SCGB3A2: variants seen among roughly 807,000 people sequenced by gnomAD.
SCGB3A2 encodes the protein secretoglobin family 3A member 2.
A neutral mutation model predicts 7.7 loss-of-function variants in SCGB3A2; 5 were observed. The observed-to-expected ratio is 0.65, with a 90% CI of 0.34 to 1.36. The LOEUF (loss-of-function observed/expected upper bound fraction) is 1.36, where lower values mean the gene tolerates loss of function less well. SCGB3A2 is among the 40% of genes most tolerant of loss of function. SCGB3A2 has a pLI of 0.04. For synonymous variants in SCGB3A2, 44 were observed against 42.7 expected, an observed-to-expected ratio of 1.03 and a Z score of -0.12; for missense variants, 109 against 103.6, an observed-to-expected ratio of 1.05 and a Z score of -0.23.
intron 1 of SCGB3A2, chr5:147,881,068 A>G (rs1259858872): frequency 4.9e-6 from 1 of 202,080 alleles, no homozygotes; most frequent in Non-Finnish European, 1.0e-5. Flanking sequence ...AAAAACACAC[A>G]TTCCTTGTTC....
chr5:147,881,602 T>A lies in SCGB3A2; in HGVS notation c.212T>A (p.Val71Glu), dbSNP rs745799049. 1 of 1,613,962 alleles carries A rather than the reference T, an allele frequency of 6.2e-7. No homozygotes were observed. Among genetic ancestry groups the A allele is most frequent in the Non-Finnish European group, 8.5e-7 (1 of 1,179,904 alleles). Residue 71 changes from valine (V) to glutamate (E), a missense_variant, in exon 2 of 3, where the codon GTA (valine) becomes GAA (glutamate). Physicochemically the swap from Val to Glu is moderately radical, Grantham distance 121 (BLOSUM62 -2). Transcript: ENST00000296694. ...EHLVEGLRKC[V>E]NELGPEASEA... ...CTTGTGGAGGGGCTAAGGAAGTGTG[T>A]AAATGAGCTGGGACCAGAGGCTTCT...
At chr5:147,881,084 G>T in intron 1 of SCGB3A2, 1 of 216,968 alleles carries the variant, frequency 4.6e-6, no homozygotes. Flanking sequence ...TGTTCTCATG[G>T]AGCCTCCATT....
At position 147,881,531 on chromosome 5, in the gene SCGB3A2, T is replaced by G; in HGVS notation, c.141T>G (p.Asp47Glu). The G allele has an allele frequency of 6.2e-7, 1 of 1,614,020 alleles. No homozygotes were observed. The highest frequency in any genetic ancestry group is 8.5e-7 in the Non-Finnish European group (1 of 1,179,920). Reference protein sequence around the residue: ...LPLDNILPFMDPLKLLLKTLG... With the variant: ...LPLDNILPFMEPLKLLLKTLG... ...TGGACAACATTCTTCCCTTTATGGA[T>G]CCATTAAAGCTTCTTCTGAAAACTC... Residue 47 changes from aspartate to glutamate, a missense_variant, in exon 2 of 3, where the codon GAT (aspartate) becomes GAG (glutamate). Coordinates refer to ENST00000296694, the MANE Select transcript of SCGB3A2 (RefSeq NM_054023.5).
At chr5:147,881,100 G>C (rs1207284887) in intron 1 of SCGB3A2, 1 of 234,614 alleles carries the variant, frequency 4.3e-6, no homozygotes, top group Non-Finnish European at 8.3e-6. Context: ...CCATTCTAAT[G>C]AGAAAATAAA....
At chr5:147,881,173 C>T (rs60460686) in intron 1 of SCGB3A2, 59,277 of 364,690 alleles carry the variant, frequency 0.16, 5,632 homozygotes, top group Admixed American at 0.3. Context: ...AAATAAATGA[C>T]GGAGAGTGAC....
At position 147,878,728 on chromosome 5, in the gene SCGB3A2, T is replaced by TGGAA. The variant is rs149064485; in HGVS notation, c.-75_-72dup. ...CAGCCATCACACTTTGTATGGCAAG[T>TGGAA]GGAACCACTGGCTTGGTGGATTTTG... is the stretch of plus-strand genomic sequence containing the variant. On this transcript the variant is annotated 5_prime_UTR_variant, in exon 1 of 3. It introduces an in-frame stop codon into an upstream open reading frame of the 5' UTR. Transcript: ENST00000296694. 4.5e-5 allele frequency: 51 copies of TGGAA among 1,126,452 alleles called. No individual in the cohort carries two copies. In the African/African-American group the frequency reaches 7.5e-4, roughly 16 times the overall value. 69.8% of individuals were successfully genotyped at this position (1,126,452 alleles called of 1,614,324 possible).
intron 1 of SCGB3A2, among the ~76,000 whole-genome samples, chr5:147,880,045 T>A (rs1757321257): frequency 6.6e-6 from 1 of 151,508 alleles, no homozygotes. Flanking sequence ...TTTAAAAAAA[T>A]ATATACAGGC....
intron 1 of SCGB3A2, among the ~76,000 whole-genome samples, chr5:147,880,452 T>G (rs1402390371): frequency 6.6e-6 from 1 of 152,154 alleles, no homozygotes; most frequent in Non-Finnish European, 1.5e-5. Flanking sequence ...TCATAGCCTA[T>G]TGGAAATCTG....
chr5:147,881,906 T>G (rs893057938), intron 2 of SCGB3A2, 121 bp from the exon 3 acceptor site: 4 of 1,064,840 alleles, frequency 3.8e-6, no homozygotes, highest in Non-Finnish European at 4.3e-6. Flanking sequence ...GTAATCACTC[T>G]GAGTTTTTGT....
At chr5:147,879,855 C>T (rs1757317833) in intron 1 of SCGB3A2, among the ~76,000 whole-genome samples, 1 of 152,138 alleles carries the variant, frequency 6.6e-6, no homozygotes, top group African/African-American at 2.4e-5. Context: ...GCAACTTTGG[C>T]TTTTGATGTT....
chr5:147,881,534 A>G lies in SCGB3A2; in HGVS notation c.144A>G (p.Pro48=). 1.2e-6 allele frequency: 2 copies of G among 1,614,026 alleles called. No homozygotes were observed. Among genetic ancestry groups the G allele is most frequent in the Non-Finnish European group, 8.5e-7 (1 of 1,179,928 alleles). Residue 48 remains proline, a synonymous_variant, in exon 2 of 3, where the codon CCA becomes CCG. Coordinates refer to ENST00000296694, the MANE Select transcript of SCGB3A2 (RefSeq NM_054023.5). ...ACAACATTCTTCCCTTTATGGATCCATTAAAGCTTCTTCTGAAAACTCTGG... is the reference window on the plus strand; with the variant it reads ...ACAACATTCTTCCCTTTATGGATCCGTTAAAGCTTCTTCTGAAAACTCTGG... ...PLDNILPFMD[P]LKLLLKTLGI...
chr5:147,881,932 AT>A, intron 2 of SCGB3A2, 94 bp from the exon 3 acceptor site: 1 of 1,363,216 alleles, frequency 7.3e-7, no homozygotes, highest in South Asian at 1.2e-5. Context: ...CATCAGTAAA[AT>A]AGTGGCCAAA....
Position 147,882,161 on chromosome 5 carries a change from C to T in SCGB3A2, c.*111C>T, listed in dbSNP as rs185623548. On this transcript the variant is annotated 3_prime_UTR_variant, in exon 3 of 3. Coordinates refer to ENST00000296694, the MANE Select transcript of SCGB3A2 (RefSeq NM_054023.5). The stretch of plus-strand genomic sequence containing the variant: ...TCAAATGCCCTAAAATGTAGTGACC[C>T]GTGAAAAGGACAAATAAAGCAATGA... The T allele has an allele frequency of 4.6e-5, 49 of 1,071,738 alleles. No homozygotes were observed. The highest frequency in any genetic ancestry group is 2.0e-4 in the Middle Eastern group (1 of 4,954). The allele number at this position is 1,071,738 out of a possible 1,614,324, so 66.4% of individuals were successfully genotyped here.
intron 1 of SCGB3A2, chr5:147,881,139 C>CT (rs1371412793): frequency 3.3e-6 from 1 of 304,606 alleles, no homozygotes; most frequent in Non-Finnish European, 6.1e-6. Flanking sequence ...TGAAGAGTTG[C>CT]TTTTTTTAGG....
Position 147,881,506 on chromosome 5 carries a change from T to C in SCGB3A2, c.116T>C (p.Leu39Pro). ...LPVDKLAPLP[L>P]DNILPFMDPL... ...GTTGACAAGTTGGCACCTTTACCTC[T>C]GGACAACATTCTTCCCTTTATGGAT... The change falls in exon 2 of 3, where the codon CTG (leucine) becomes CCG (proline). Residue 39 changes from leucine (L) to proline (P), a missense_variant. Coordinates refer to ENST00000296694, the MANE Select transcript of SCGB3A2 (RefSeq NM_054023.5). The C allele has an allele frequency of 6.2e-7, 1 of 1,614,080 alleles. No individual in the cohort carries two copies.
Position 147,881,555 on chromosome 5 carries a change from T to A in SCGB3A2, c.165T>A (p.Thr55=). ...FMDPLKLLLK[T]LGISVEHLVE... is the part of the protein sequence containing the mutation. ...ATCCATTAAAGCTTCTTCTGAAAAC[T>A]CTGGGCATTTCTGTTGAGCACCTTG... Residue 55 remains threonine, a synonymous_variant, in exon 2 of 3, where the codon ACT becomes ACA. Coordinates refer to ENST00000296694, the MANE Select transcript of SCGB3A2 (RefSeq NM_054023.5). 1 of 1,614,034 alleles carries A rather than the reference T, an allele frequency of 6.2e-7. No individual in the cohort carries two copies. The highest frequency in any genetic ancestry group is 8.5e-7 in the Non-Finnish European group (1 of 1,179,930).
chr5:147,881,457 C>G lies in SCGB3A2; in HGVS notation c.67C>G (p.Leu23Val), dbSNP rs200621359. The change falls in exon 2 of 3, where the codon CTC becomes GTC. Residue 23 changes from leucine (L) to valine (V), a missense_variant. By Grantham distance (32) the Leu-to-Val change is conservative (BLOSUM62 1). Coordinates refer to ENST00000296694, the MANE Select transcript of SCGB3A2 (RefSeq NM_054023.5). ...SLCSYSATAF[L>V]INKVPLPVDK... is the part of the protein sequence containing the mutation. ...TCTTTTTCCTGCAGCTACTGCCTTC[C>G]TCATCAACAAAGTGCCCCTTCCTGT... is the stretch of plus-strand genomic sequence containing the variant. 1.2e-6 allele frequency: 2 copies of G among 1,613,910 alleles called. No homozygotes were observed. The highest frequency in any genetic ancestry group is 4.5e-5 in the East Asian group (2 of 44,876).
Position 147,881,464 on chromosome 5 carries a change from A to G in SCGB3A2, c.74A>G (p.Asn25Ser), listed in dbSNP as rs747232043. 4 of 1,614,018 alleles carry G rather than the reference A, an allele frequency of 2.5e-6. No homozygotes were observed. The highest frequency in any genetic ancestry group is 3.3e-5 in the Admixed American group (2 of 60,012). ...CSYSATAFLI[N>S]KVPLPVDKLA... is the part of the protein sequence containing the mutation. ...CCTGCAGCTACTGCCTTCCTCATCA[A>G]CAAAGTGCCCCTTCCTGTTGACAAG... The change falls in exon 2 of 3, where the codon AAC becomes AGC. Residue 25 changes from asparagine to serine, a missense_variant. Coordinates refer to ENST00000296694, the MANE Select transcript of SCGB3A2 (RefSeq NM_054023.5).
At chr5:147,881,411 G>A (rs1358429887) in intron 1 of SCGB3A2, 35 bp from the exon 2 acceptor site, 1 of 1,539,738 alleles carries the variant, frequency 6.5e-7, no homozygotes, top group South Asian at 1.1e-5. Context: ...GGGCCCAGAT[G>A]TGCCTGTCTC....
Sources: gnomAD v4.1 joint callset for allele counts (sites outside exome capture counted in the v4.1 genomes callset) on GRCh38, gnomAD v4.1.1 for gene constraint, MANE v1.5 for transcripts, NCBI Gene and HGNC (gene_info 2026-07-23, HGNC 2026-07-21) for gene names.